The following PPARGC1A variants were observed in gnomAD, a reference collection of about 807,000 sequenced individuals.
The protein encoded by PPARGC1A is peroxisome proliferator-activated receptor gamma coactivator 1-alpha.
In PPARGC1A, 25 loss-of-function variants were observed where a neutral mutation model predicts 88.7. The ratio of observed to expected loss-of-function variants is 0.28; its 90% CI spans 0.21 to 0.39. PPARGC1A has a LOEUF of 0.39. PPARGC1A is among the 10% of genes least tolerant of loss of function. The probability of loss-of-function intolerance (pLI) is 1.00; values close to 1 mark genes in which losing one functional copy is unlikely to be tolerated. For missense variants in PPARGC1A, 880 were observed against 968.7 expected (o/e 0.91, Z 1.22); for synonymous variants, 363 against 355.6 (o/e 1.02, Z -0.24).
At chr4:24,389,546 T>A in the PPARGC1A span, among the ~76,000 whole-genome samples, 1 of 152,150 alleles carries the variant, frequency 6.6e-6, no homozygotes, top group Non-Finnish European at 1.5e-5. Flanking sequence ...TGTGGAGTAC[T>A]TAGAAATAGA....
the PPARGC1A span, among the ~76,000 whole-genome samples, chr4:24,176,064 G>A: frequency 2.0e-5 from 3 of 152,170 alleles, no homozygotes; most frequent in South Asian, 6.2e-4. Context: ...CACTGGGCTG[G>A]GTTGCCTCTC....
chr4:24,303,411 C>A, the PPARGC1A span, among the ~76,000 whole-genome samples: 6 of 152,052 alleles, frequency 3.9e-5, no homozygotes, highest in South Asian at 1.2e-3. Flanking sequence ...CCTTTACTGG[C>A]TGTATAAAAA....
At chr4:23,900,606 A>T (rs920282502), upstream of PPARGC1A, among the ~76,000 whole-genome samples, 6 of 152,228 alleles carry the variant, frequency 3.9e-5, no homozygotes, top group Non-Finnish European at 8.8e-5. Flanking sequence ...ATTACAGTAG[A>T]TGCAAGTCTT....
At chr4:24,158,838 G>A in the PPARGC1A span, among the ~76,000 whole-genome samples, 27 of 152,238 alleles carry the variant, frequency 1.8e-4, no homozygotes, top group Non-Finnish European at 3.1e-4. Context: ...TCAGTAATTT[G>A]TTAATTTATT....
At chr4:23,832,436 A>T (rs1207697523) in intron 2 of PPARGC1A, among the ~76,000 whole-genome samples, 2 of 151,958 alleles carry the variant, frequency 1.3e-5, no homozygotes, top group Admixed American at 1.3e-4. Flanking sequence ...ATTTCTTTTG[A>T]CTTCTTTAGT....
At chr4:24,040,043 T>C in the PPARGC1A span, among the ~76,000 whole-genome samples, 3 of 152,218 alleles carry the variant, frequency 2.0e-5, no homozygotes, top group Non-Finnish European at 2.9e-5. Context: ...GAAGACAGTA[T>C]ACATATACAG....
At chr4:24,364,042 C>T in the PPARGC1A span, among the ~76,000 whole-genome samples, 4 of 152,114 alleles carry the variant, frequency 2.6e-5, no homozygotes, top group Non-Finnish European at 5.9e-5. Flanking sequence ...AAAGATTTTC[C>T]TATGAGATTA....
chr4:24,315,291 T>A, the PPARGC1A span, among the ~76,000 whole-genome samples: 1 of 152,142 alleles, frequency 6.6e-6, no homozygotes, highest in African/African-American at 2.4e-5. Flanking sequence ...ATGTCCTCCA[T>A]GAGCACAAAA....
At chr4:23,968,509 CCATT>C in the PPARGC1A span, among the ~76,000 whole-genome samples, 1 of 152,084 alleles carries the variant, frequency 6.6e-6, no homozygotes, top group Non-Finnish European at 1.5e-5. Flanking sequence ...CTTTAGTTTC[CCATT>C]CATTCTCTAC....
intron 1 of PPARGC1A, chr4:23,889,015 T>C: frequency 1.0e-6 from 1 of 985,392 alleles, no homozygotes; most frequent in Non-Finnish European, 1.2e-6. Flanking sequence ...TTGTGCTGAA[T>C]GCAAACACGC....
At chr4:24,039,184 G>A in the PPARGC1A span, among the ~76,000 whole-genome samples, 1 of 152,148 alleles carries the variant, frequency 6.6e-6, no homozygotes, top group African/African-American at 2.4e-5. Context: ...CCAATTGGAA[G>A]CATATCTTAA....
intron 2 of PPARGC1A, among the ~76,000 whole-genome samples, chr4:23,840,788 C>T (rs868091040): frequency 1.3e-5 from 2 of 152,182 alleles, no homozygotes; most frequent in Middle Eastern, 6.8e-3. Flanking sequence ...TTTCATTCTT[C>T]TTTTGTTGTT....
chr4:23,848,547 G>T (rs984777916), intron 2 of PPARGC1A, among the ~76,000 whole-genome samples: 2 of 152,124 alleles, frequency 1.3e-5, no homozygotes, highest in African/African-American at 4.8e-5. Context: ...GGTGGCCCTG[G>T]AATAGATCTG....
the PPARGC1A span, among the ~76,000 whole-genome samples, chr4:23,923,505 G>A: frequency 6.6e-6 from 1 of 152,014 alleles, no homozygotes; most frequent in Admixed American, 6.6e-5. Context: ...GATATGGGTG[G>A]TCCTTACAAG....
the PPARGC1A span, among the ~76,000 whole-genome samples, chr4:23,913,265 TATAGAGAGAGAGAGAGAGAGAG>T: frequency 3.7e-3 from 219 of 58,768 alleles, 2 homozygotes; most frequent in African/African-American, 0.018. Context: ...TATATATATA[TATAGAGAGAGAGAGAGAGAGAG>T]AGAGAGAGAG....
chr4:24,339,199 T>C, the PPARGC1A span, among the ~76,000 whole-genome samples: 3 of 33,864 alleles, frequency 8.9e-5, no homozygotes, highest in Non-Finnish European at 1.5e-4. Context: ...TCCATGTGTG[T>C]GTGTGTGTGT....
At chr4:24,293,755 C>A in the PPARGC1A span, among the ~76,000 whole-genome samples, 2 of 151,334 alleles carry the variant, frequency 1.3e-5, no homozygotes, top group Non-Finnish European at 2.9e-5. Flanking sequence ...TCCCCAGGCA[C>A]CATCCCCTTG....
chr4:24,176,693 C>A, the PPARGC1A span, among the ~76,000 whole-genome samples: 1 of 152,190 alleles, frequency 6.6e-6, no homozygotes, highest in Middle Eastern at 3.4e-3. Flanking sequence ...AAAACTCTCA[C>A]AGAGAAGCAT....
chr4:24,440,380 G>A, the PPARGC1A span, among the ~76,000 whole-genome samples: 1 of 152,058 alleles, frequency 6.6e-6, no homozygotes, highest in African/African-American at 2.4e-5. Context: ...GAGCAATACC[G>A]ACCCCATGGA....
Sources: allele counts gnomAD v4.1 joint callset (sites outside exome capture counted in the v4.1 genomes callset), GRCh38; gene constraint gnomAD v4.1.1; transcripts MANE v1.5; gene names NCBI Gene and HGNC (gene_info 2026-07-23, HGNC 2026-07-21).